MKI67: variants seen among roughly 807,000 people sequenced by gnomAD.
The protein encoded by MKI67 is marker of proliferation Ki-67, also known as proliferation marker protein Ki-67.
Under a neutral mutation model 233.5 loss-of-function variants are expected in MKI67, and 152 were observed. That is an observed-to-expected ratio of 0.65 (90% CI 0.57 to 0.74). MKI67 has a LOEUF of 0.74. Among genes scored for constraint, MKI67 ranks in the 30% least tolerant of loss-of-function variants. MKI67 has a pLI of 0.00. For missense variants in MKI67, 3,940 were observed against 3,885.2 expected (o/e 1.01, Z -0.37); for synonymous variants, 1,465 against 1,418.5 (o/e 1.03, Z -0.74).
rs1852585873 is a variant in MKI67 at position 128,108,595 on chromosome 10, A to C, written c.3245T>G (p.Val1082Gly). The C allele has an allele frequency of 6.2e-7, 1 of 1,614,144 alleles. No individual in the cohort carries two copies. The highest frequency in any genetic ancestry group is 1.3e-5 in the African/African-American group (1 of 75,026). Residue 1082 changes from valine (V) to glycine (G), a missense_variant, in exon 13 of 15, where the codon GTA (valine) becomes GGA (glycine). Val to Gly is a moderately radical substitution (Grantham distance 109, BLOSUM62 -3). Coordinates refer to ENST00000368654, the MANE Select transcript of MKI67 (RefSeq NM_002417.5). ...TCTTGGCCACTTCTTCATTCCAGTT[A>C]CACGGGCTGCTGGGTCCAGGATCTG... ...PKQILDPAAR[V>G]TGMKKWPRTP... is the part of the protein sequence containing the mutation.
chr10:128,113,592 C>G lies in MKI67; in HGVS notation c.1491G>C (p.Glu497Asp), dbSNP rs11016076. ...CACGCCTTCTTTTCAAAGGTATTCC[C>G]TCACTCTCATCTAAAGTAACGGATA... ...NNFGDSINES[E>D]GIPLKRRRVS... Residue 497 changes from glutamate to aspartate, a missense_variant, in exon 8 of 15, where the codon GAG becomes GAC. Transcript: ENST00000368654. 298,836 of 1,613,010 alleles carry G rather than the reference C, an allele frequency of 0.19. 29,027 individuals carry two copies. The highest frequency in any genetic ancestry group is 0.32 in the African/African-American group (24,069 of 74,924).
At position 128,108,433 on chromosome 10, in the gene MKI67, G is replaced by C; in HGVS notation, c.3407C>G (p.Ser1136Ter). 6.2e-7 allele frequency: 1 copy of C among 1,614,140 alleles called. No individual in the cohort carries two copies. Among genetic ancestry groups the C allele is most frequent in the Non-Finnish European group, 8.5e-7 (1 of 1,180,042 alleles). ...CTTTGTGCTTGTTGGAGTGTCCACTGATTCTGGTGGTGGAGATTTGCAGGC... is the reference window on the plus strand; with the variant it reads ...CTTTGTGCTTGTTGGAGTGTCCACTCATTCTGGTGGTGGAGATTTGCAGGC... ...KIACKSPPPE[S>*]VDTPTSTKQW... Residue 1136 changes from serine to a stop codon, truncating the protein, a stop_gained, in exon 13 of 15, where the codon TCA (serine) becomes TGA (stop). Transcript: ENST00000368654. LOFTEE classifies it high-confidence loss of function.
chr10:128,124,122 T>C (rs975149111), intron 2 of MKI67, among the ~76,000 whole-genome samples: 11 of 152,182 alleles, frequency 7.2e-5, no homozygotes, highest in African/African-American at 2.4e-4. Flanking sequence ...AGGAGTACTG[T>C]ATAAAAAAGC....
In MKI67 at chr10:128,103,650, C is replaced by G; in HGVS notation, c.8190G>C (p.Lys2730Asn). The change falls in exon 13 of 15, where the codon AAG (lysine) becomes AAC (asparagine). Residue 2730 changes from lysine (K) to asparagine (N), a missense_variant. Lys to Asn is a moderately conservative substitution (Grantham distance 94, BLOSUM62 0). Coordinates refer to ENST00000368654, the MANE Select transcript of MKI67 (RefSeq NM_002417.5). ...CTGAAGGCTCTTCTTTTACTTGTAC[C>G]TTCTGCACACGTGTCCTGAGATGCC... ...TKRHLRTRVQ[K>N]VQVKEEPSAV... The G allele has an allele frequency of 6.2e-7, 1 of 1,613,890 alleles. No individual in the cohort carries two copies. Among genetic ancestry groups the G allele is most frequent in the Non-Finnish European group, 8.5e-7 (1 of 1,179,996 alleles).
rs1282864488 is a variant in MKI67, at chr10:128,109,316, C to G, written c.2524G>C (p.Ala842Pro). Residue 842 changes from alanine to proline, a missense_variant, in exon 13 of 15, where the codon GCA (alanine) becomes CCA (proline). Physicochemically the swap from Ala to Pro is conservative, Grantham distance 27 (BLOSUM62 -1). Coordinates refer to ENST00000368654, the MANE Select transcript of MKI67 (RefSeq NM_002417.5). ...TTGTAGGTGTTCCTGGGCGTTTTTGCTACGTTTCCATTTTCTCTAATACAC... is the reference window on the plus strand; with the variant it reads ...TTGTAGGTGTTCCTGGGCGTTTTTGGTACGTTTCCATTTTCTCTAATACAC... Reference protein sequence around the residue: ...RQCIRENGNVAKTPRNTYKMT... With the variant: ...RQCIRENGNVPKTPRNTYKMT... The G allele has an allele frequency of 6.2e-7, 1 of 1,614,030 alleles. No homozygotes were observed. The highest frequency in any genetic ancestry group is 8.5e-7 in the Non-Finnish European group (1 of 1,180,030).
chr10:128,121,471 A>C, intron 4 of MKI67, among the ~76,000 whole-genome samples: 1 of 139,060 alleles, frequency 7.2e-6, no homozygotes, highest in Non-Finnish European at 1.5e-5. Context: ...GGTATATATA[A>C]TATATATTAT....
chr10:128,108,240 C>G lies in MKI67; in HGVS notation c.3600G>C (p.Leu1200=), dbSNP rs750885323. The change falls in exon 13 of 15, where the codon CTG becomes CTC. Residue 1200 remains leucine, a synonymous_variant. Coordinates refer to ENST00000368654, the MANE Select transcript of MKI67 (RefSeq NM_002417.5). ...TTTTGCTGCCAGGTAAAGTTCCTGC[C>G]AGGTCCAGTTTCTGCACTGGAGTTC... ...FMGTPVQKLD[L]AGTLPGSKRQ... is the part of the protein sequence containing the mutation. The G allele has an allele frequency of 3.7e-5, 60 of 1,612,602 alleles. No homozygotes were observed. The highest frequency in any genetic ancestry group is 5.1e-5 in the Non-Finnish European group (60 of 1,179,742).
rs1348523804 is a variant in MKI67, at chr10:128,116,480, C to A, written c.400+11G>T. 1 of 1,613,298 alleles carries A rather than the reference C, an allele frequency of 6.2e-7. No homozygotes were observed. The highest frequency in any genetic ancestry group is 2.2e-5 in the East Asian group (1 of 44,892). Reference sequence around the variant, plus strand: ...TTCAGGATTCTGGAACAAAACCCAACCACTACTCACCAGGGTCAGAAGAGA... The same window carrying A: ...TTCAGGATTCTGGAACAAAACCCAAACACTACTCACCAGGGTCAGAAGAGA... On this transcript the variant is annotated intron_variant, in intron 6 of 14. Coordinates refer to ENST00000368654, the MANE Select transcript of MKI67 (RefSeq NM_002417.5).
chr10:128,119,695 G>C (rs1016558059), intron 4 of MKI67, among the ~76,000 whole-genome samples: 1 of 152,190 alleles, frequency 6.6e-6, no homozygotes, highest in Non-Finnish European at 1.5e-5. Context: ...GGCTTGGAAG[G>C]CCAGCCAGGA....
Position 128,125,540 on chromosome 10 carries a change from T to G in MKI67, c.92+36A>C. The G allele has an allele frequency of 6.4e-7, 1 of 1,554,046 alleles. No homozygotes were observed. Among genetic ancestry groups the G allele is most frequent in the South Asian group, 1.1e-5 (1 of 89,756 alleles). Reference sequence around the variant, plus strand: ...TGTGACTAAGGTATTTTCCTCTTTCTCAGCTAAAACGTCCGCGCGCGCCCG... The same window carrying G: ...TGTGACTAAGGTATTTTCCTCTTTCGCAGCTAAAACGTCCGCGCGCGCCCG... On this transcript the variant is annotated intron_variant, in intron 2 of 14. Coordinates refer to ENST00000368654, the MANE Select transcript of MKI67 (RefSeq NM_002417.5). This position sits in a 1 kb window ranked among gnomAD's most constrained non-coding sequence, Gnocchi z 5.3.
intron 4 of MKI67, 83 bp downstream of exon 4, chr10:128,122,795 AAAG>A (rs1852975749): frequency 3.1e-6 from 2 of 637,322 alleles, no homozygotes; most frequent in East Asian, 2.7e-5. Context: ...CATGAACATT[AAAG>A]AAGAATGACA....
At chr10:128,109,790 T>C (rs750113652) in intron 12 of MKI67, among the ~76,000 whole-genome samples, 14 of 152,176 alleles carry the variant, frequency 9.2e-5, no homozygotes, top group Non-Finnish European at 1.6e-4. Context: ...AAATCGCCAA[T>C]AAAATAACAT....
rs768166966 is a variant in MKI67 at position 128,103,862 on chromosome 10, C to T, written c.7978G>A (p.Glu2660Lys). 23 of 1,613,664 alleles carry T rather than the reference C, an allele frequency of 1.4e-5. No individual in the cohort carries two copies. The highest frequency in any genetic ancestry group is 1.2e-4 in the South Asian group (11 of 91,076). ...GCTCTTGGCCTTCTCCTGCTGGGTTCCTCTTCTACTGGGTTTGGTTTCTTC... is the reference window on the plus strand; with the variant it reads ...GCTCTTGGCCTTCTCCTGCTGGGTTTCTCTTCTACTGGGTTTGGTTTCTTC... ...AKKKPNPVEE[E>K]PSRRRPRAPK... Residue 2660 changes from glutamate to lysine, a missense_variant, in exon 13 of 15, where the codon GAA (glutamate) becomes AAA (lysine). Coordinates refer to ENST00000368654, the MANE Select transcript of MKI67 (RefSeq NM_002417.5).
intron 12 of MKI67, among the ~76,000 whole-genome samples, chr10:128,109,854 G>A (rs754932915): frequency 3.9e-5 from 6 of 152,002 alleles, no homozygotes; most frequent in African/African-American, 7.3e-5. Context: ...TTTACCTACC[G>A]CAAACATCTT....
chr10:128,120,008 C>T (rs1406758020), intron 4 of MKI67, among the ~76,000 whole-genome samples: 1 of 152,138 alleles, frequency 6.6e-6, no homozygotes. Flanking sequence ...TTATAGGCAA[C>T]CTAAGTAAGA....
Position 128,115,018 on chromosome 10 carries a change from G to A in MKI67, c.1390C>T (p.Pro464Ser). 6.2e-7 allele frequency: 1 copy of A among 1,611,420 alleles called. No homozygotes were observed. Among genetic ancestry groups the A allele is most frequent in the Non-Finnish European group, 8.5e-7 (1 of 1,177,554 alleles). ...CCAGCTGTAGTGCCCAATTTCTCAG[G>A]CTTGCTGAGGGAATCCTTTTGGATC... Reference protein sequence around the residue: ...RKIQKDSLSKPEKLGTTAGQM... With the variant: ...RKIQKDSLSKSEKLGTTAGQM... Residue 464 changes from proline (P) to serine (S), a missense_variant, in exon 7 of 15, where the codon CCT becomes TCT. Transcript: ENST00000368654.
At chr10:128,122,725 T>TGA (rs1189200392) in intron 4 of MKI67, among the ~76,000 whole-genome samples, 156 bp downstream of exon 4, 2 of 152,232 alleles carry the variant, frequency 1.3e-5, no homozygotes, top group Non-Finnish European at 2.9e-5. Context: ...TCTTCCTAGA[T>TGA]CCATATCCTT....
In MKI67 at chr10:128,107,818, T is replaced by C; in HGVS notation, c.4022A>G (p.Gln1341Arg). The C allele has an allele frequency of 6.2e-7, 1 of 1,613,910 alleles. No individual in the cohort carries two copies. The highest frequency in any genetic ancestry group is 8.5e-7 in the Non-Finnish European group (1 of 1,179,994). The change falls in exon 13 of 15, where the codon CAG becomes CGG. Residue 1341 changes from glutamine to arginine, a missense_variant. By Grantham distance (43) the Gln-to-Arg change is conservative. Transcript: ENST00000368654. ...AAAGCCAGTCAGGTCTTCCAGAGCC[T>C]GGGCCTCTTCCTTAGGAGTTTGTGG... The part of the protein sequence containing the change: ...RRPQTPKEEA[Q>R]ALEDLTGFKE...
In MKI67 at chr10:128,103,811, C is replaced by G; in HGVS notation, c.8029G>C (p.Glu2677Gln). The G allele has an allele frequency of 6.2e-7, 1 of 1,613,968 alleles. No individual in the cohort carries two copies. The highest frequency in any genetic ancestry group is 8.5e-7 in the Non-Finnish European group (1 of 1,179,996). ...AGCTCTGTGAAGCCGGCCAGGTCTTCCAGGGGTTGGGCCTTTTCCTTAGGT... is the reference window on the plus strand; with the variant it reads ...AGCTCTGTGAAGCCGGCCAGGTCTTGCAGGGGTTGGGCCTTTTCCTTAGGT... ...RAPKEKAQPLEDLAGFTELSE... is the reference protein window; with the variant it reads ...RAPKEKAQPLQDLAGFTELSE... The change falls in exon 13 of 15, where the codon GAA becomes CAA. Residue 2677 changes from glutamate (E) to glutamine (Q), a missense_variant. Coordinates refer to ENST00000368654, the MANE Select transcript of MKI67 (RefSeq NM_002417.5).
Sources: gnomAD v4.1 joint callset for allele counts (sites outside exome capture counted in the v4.1 genomes callset) on GRCh38, gnomAD v4.1.1 for gene constraint, Gnocchi (gnomAD v3.1) non-coding constraint, MANE v1.5 for transcripts, NCBI Gene and HGNC (gene_info 2026-07-23, HGNC 2026-07-21) for gene names.